The following PCDHGB1 variants were observed in gnomAD, a reference collection of about 807,000 sequenced individuals.
The protein encoded by PCDHGB1 is protocadherin gamma-B1.
In PCDHGB1, 34 loss-of-function variants were observed where a neutral mutation model predicts 56.6. The ratio of observed to expected loss-of-function variants is 0.60; its 90% CI spans 0.46 to 0.80. The LOEUF is 0.80. Among genes scored for constraint, PCDHGB1 ranks in the 30% least tolerant of loss-of-function variants. PCDHGB1 has a pLI of 0.00. For missense variants in PCDHGB1, 1,278 were observed against 1,204.6 expected, an observed-to-expected ratio of 1.06 and a Z score of -0.90; for synonymous variants, 561 against 505.9, an observed-to-expected ratio of 1.11 and a Z score of -1.46.
chr5:141,395,131 C>A, intron 1 of PCDHGB1: 12 of 1,614,202 alleles, frequency 7.4e-6, no homozygotes, highest in Non-Finnish European at 1.0e-5. Context: ...TTTCCCCAGC[C>A]CAACTACGCA....
chr5:141,421,863 C>T (rs767555107), intron 1 of PCDHGB1: 1 of 1,613,746 alleles, frequency 6.2e-7, no homozygotes, highest in Non-Finnish European at 8.5e-7. Flanking sequence ...ACCTGCTCCT[C>T]CTCACAGCTT....
chr5:141,393,774 G>A (rs767667499), intron 1 of PCDHGB1: 9 of 1,613,824 alleles, frequency 5.6e-6, no homozygotes, highest in Non-Finnish European at 7.6e-6. Context: ...GGAAATACAA[G>A]CCGAAGATGT....
At chr5:141,355,480 G>A in intron 1 of PCDHGB1, 1 of 1,614,048 alleles carries the variant, frequency 6.2e-7, no homozygotes, top group Admixed American at 1.7e-5. Context: ...AGACAGGGAG[G>A]AGCTCTGCGA....
rs1035284319 is a variant in PCDHGB1, at chr5:141,368,926, G to C, written c.2409+16257G>C. Among the ~76,000 whole-genome samples, 16 of 152,178 alleles carry C rather than the reference G, an allele frequency of 1.1e-4. 2 individuals are homozygous for C. The highest frequency in any genetic ancestry group is 5.2e-4 in the Admixed American group (8 of 15,270). On this transcript the variant is annotated intron_variant, in intron 1 of 3. Transcript: ENST00000523390. Reference sequence around the variant, plus strand: ...TGTATAAAGGTGACAATGAGTGTCTGTCTAGAATTCTGGTTACTGTGAGTA... The same window carrying C: ...TGTATAAAGGTGACAATGAGTGTCTCTCTAGAATTCTGGTTACTGTGAGTA...
chr5:141,365,592 C>G, intron 1 of PCDHGB1: 5 of 1,613,682 alleles, frequency 3.1e-6, no homozygotes, highest in Non-Finnish European at 4.2e-6. Flanking sequence ...TATAATATCA[C>G]TTTAACCGTC....
Position 141,460,747 on chromosome 5 carries a change from G to A in PCDHGB1, c.2410-34060G>A, listed in dbSNP as rs148154304. On this transcript the variant is annotated intron_variant, in intron 1 of 3. Transcript: ENST00000523390. ...GCATATATACACATTGTATATATAT[G>A]TGTACATATACATATTGCATATGTA... Among the ~76,000 whole-genome samples, 351 of 151,000 alleles carry A rather than the reference G, an allele frequency of 2.3e-3. 2 individuals are homozygous for A. The highest frequency in any genetic ancestry group is 6.8e-3 in the Middle Eastern group (2 of 294).
At chr5:141,401,391 T>C (rs923364219) in intron 1 of PCDHGB1, among the ~76,000 whole-genome samples, 1 of 152,140 alleles carries the variant, frequency 6.6e-6, no homozygotes, top group Non-Finnish European at 1.5e-5. Flanking sequence ...ATACTACATG[T>C]TATGTGTATG....
chr5:141,407,169 G>A (rs946090447), intron 1 of PCDHGB1, among the ~76,000 whole-genome samples: 3 of 152,146 alleles, frequency 2.0e-5, no homozygotes, highest in Non-Finnish European at 4.4e-5. Flanking sequence ...AATCCTTTAT[G>A]ACATACAGAC....
chr5:141,430,369 A>G (rs564811230), intron 1 of PCDHGB1, among the ~76,000 whole-genome samples: 1 of 151,582 alleles, frequency 6.6e-6, no homozygotes, highest in East Asian at 1.9e-4. Flanking sequence ...ATTGGGGAAA[A>G]AAAAGCTCAT....
chr5:141,475,715 C>A (rs989484033), intron 1 of PCDHGB1, among the ~76,000 whole-genome samples: 3 of 152,366 alleles, frequency 2.0e-5, no homozygotes, highest in South Asian at 4.1e-4. Context: ...AGCCTCACAG[C>A]CCCAAGGCTG....
intron 1 of PCDHGB1, chr5:141,354,876 AC>A (rs763107420): frequency 8.7e-5 from 32 of 369,810 alleles, no homozygotes; most frequent in Non-Finnish European, 1.4e-4. Context: ...CAGGAATTTG[AC>A]TTTATTATCT....
chr5:141,485,259 G>C lies in PCDHGB1; in HGVS notation c.2410-9548G>C. ...TTTTACCACCTGGGTTACGTTTGTGGGCAGATCCGCTACCCGGTCCCAGAG... is the reference window on the plus strand; with the variant it reads ...TTTTACCACCTGGGTTACGTTTGTGCGCAGATCCGCTACCCGGTCCCAGAG... On this transcript the variant is annotated intron_variant, in intron 1 of 3. Coordinates refer to ENST00000523390, the MANE Select transcript of PCDHGB1 (RefSeq NM_018922.3). The surrounding 1 kb of genome is among the most constrained non-coding windows in gnomAD (Gnocchi z 5.7). 1.2e-6 allele frequency: 2 copies of C among 1,614,136 alleles called. No homozygotes were observed. The highest frequency in any genetic ancestry group is 1.7e-6 in the Non-Finnish European group (2 of 1,180,002).
chr5:141,374,656 C>G (rs775346091), intron 1 of PCDHGB1: 1 of 1,612,056 alleles, frequency 6.2e-7, no homozygotes, highest in Non-Finnish European at 8.5e-7. Context: ...GGCCCAAGTA[C>G]CCGGAGCTGG....
At chr5:141,366,749 C>T in intron 1 of PCDHGB1, 1 of 1,609,608 alleles carries the variant, frequency 6.2e-7, no homozygotes, top group Admixed American at 1.7e-5. Flanking sequence ...ACGGCGAGTT[C>T]AGGTTAGTTT....
intron 1 of PCDHGB1, among the ~76,000 whole-genome samples, chr5:141,402,646 G>A (rs2094289569): frequency 6.6e-6 from 1 of 152,198 alleles, no homozygotes; most frequent in South Asian, 2.1e-4. Context: ...ATCATAATTA[G>A]AAGAGAGTAG....
intron 1 of PCDHGB1, chr5:141,430,898 G>A: frequency 6.2e-7 from 1 of 1,605,834 alleles, no homozygotes; most frequent in East Asian, 2.2e-5. Flanking sequence ...TAGGGTGGGC[G>A]ACATCTCCAG....
At chr5:141,356,046 G>A (rs1760087771) in intron 1 of PCDHGB1, 2 of 1,613,820 alleles carry the variant, frequency 1.2e-6, no homozygotes, top group Admixed American at 1.7e-5. Context: ...ATTCTTTCCG[G>A]AAAGTAAGAG....
intron 1 of PCDHGB1, among the ~76,000 whole-genome samples, chr5:141,362,918 A>G (rs1159193332): frequency 6.6e-6 from 1 of 152,244 alleles, no homozygotes; most frequent in African/African-American, 2.4e-5. Context: ...AATACTTCAG[A>G]GTAAAGAGAG....
chr5:141,490,336 G>T lies in PCDHGB1; in HGVS notation c.2410-4471G>T. 2 of 1,614,224 alleles carry T rather than the reference G, an allele frequency of 1.2e-6. No individual in the cohort carries two copies. The highest frequency in any genetic ancestry group is 8.5e-7 in the Non-Finnish European group (1 of 1,180,040). ...CCCTGTCCTAGAGAGCACACCAGTGGGCACAGTAGTGGGGTTGTTTAATGT... is the reference window on the plus strand; with the variant it reads ...CCCTGTCCTAGAGAGCACACCAGTGTGCACAGTAGTGGGGTTGTTTAATGT... On this transcript the variant is annotated intron_variant, in intron 1 of 3. Transcript: ENST00000523390. This position sits in a 1 kb window ranked among gnomAD's most constrained non-coding sequence, Gnocchi z 5.4.
Sources: gnomAD v4.1 joint callset for allele counts (sites outside exome capture counted in the v4.1 genomes callset) on GRCh38, gnomAD v4.1.1 for gene constraint, Gnocchi (gnomAD v3.1) non-coding constraint, MANE v1.5 for transcripts, NCBI Gene and HGNC (gene_info 2026-07-23, HGNC 2026-07-21) for gene names.